Variants in GALNT17 observed in about 807,000 individuals in gnomAD.
GALNT17 encodes UDP-GalNAc:polypeptide N-acetylgalactosaminyltransferase-like 3.
A neutral mutation model predicts 63.7 loss-of-function variants in GALNT17; 29 were observed. The observed-to-expected ratio is 0.46, with a 90% CI of 0.34 to 0.62. GALNT17 has a LOEUF of 0.62. Among genes scored for constraint, GALNT17 ranks in the 20% least tolerant of loss-of-function variants. The pLI is 0.01. For missense variants in GALNT17, 603 were observed against 799.6 expected, an observed-to-expected ratio of 0.75 and a Z score of 2.97; for synonymous variants, 305 against 318.3, an observed-to-expected ratio of 0.96 and a Z score of 0.45.
chr7:71,354,154 C>T (rs1792239761), intron 2 of GALNT17, among the ~76,000 whole-genome samples: 1 of 152,210 alleles, frequency 6.6e-6, no homozygotes, highest in South Asian at 2.1e-4. Context: ...CTACCTCCAA[C>T]ATCAGGAATT....
intron 9 of GALNT17, chr7:71,685,354 A>C (rs1401952944): frequency 6.6e-6 from 1 of 152,192 alleles, no homozygotes; most frequent in Non-Finnish European, 1.5e-5. Context: ...GGTGTGGTCC[A>C]CTGACCCAGT....
chr7:71,342,677 A>G (rs1792026325), intron 2 of GALNT17, among the ~76,000 whole-genome samples: 1 of 152,198 alleles, frequency 6.6e-6, no homozygotes, highest in Non-Finnish European at 1.5e-5. Flanking sequence ...TTATTGGAAG[A>G]AGGAGGAGGC....
rs184961554 is a variant in GALNT17, at chr7:71,476,156, G to A, written c.962+55051G>A. ...GAAGAGAATAACGGGATTATGAGTG[G>A]GAACTCCTTGGGAACACCCAGGAGT... On this transcript the variant is annotated intron_variant, in intron 5 of 10. Coordinates refer to ENST00000333538, the MANE Select transcript of GALNT17 (RefSeq NM_022479.3). 4.1e-3 allele frequency among the ~76,000 whole-genome samples: 630 copies of A among 152,272 alleles called. 7 individuals carry two copies. Among genetic ancestry groups the A allele is most frequent in the African/African-American group, 0.013 (552 of 41,562 alleles).
intron 5 of GALNT17, among the ~76,000 whole-genome samples, chr7:71,462,693 C>G (rs186051562): frequency 5.3e-4 from 81 of 152,242 alleles, no homozygotes; most frequent in Admixed American, 1.6e-3. Context: ...GAGGGAGTGT[C>G]CAGGTCCCAG....
At chr7:71,496,231 G>A (rs533599986) in intron 5 of GALNT17, among the ~76,000 whole-genome samples, 1 of 152,274 alleles carries the variant, frequency 6.6e-6, no homozygotes, top group African/African-American at 2.4e-5. Flanking sequence ...GCAGTGGGGA[G>A]GCCGGGGGAT....
intron 1 of GALNT17, among the ~76,000 whole-genome samples, chr7:71,221,908 A>ATTTTTTTT (rs370780821): frequency 8.7e-6 from 1 of 114,684 alleles, no homozygotes; most frequent in East Asian, 2.8e-4. Context: ...CCTTATTTAG[A>ATTTTTTTT]TTTTTTTTTT....
At chr7:71,537,736 C>T (rs1337806183) in intron 5 of GALNT17, among the ~76,000 whole-genome samples, 4 of 151,992 alleles carry the variant, frequency 2.6e-5, no homozygotes, top group Admixed American at 2.6e-4. Context: ...TCACTTGAAC[C>T]CAGGAGGCAG....
intron 5 of GALNT17, among the ~76,000 whole-genome samples, chr7:71,452,155 A>C (rs1402283258): frequency 6.6e-6 from 1 of 152,116 alleles, no homozygotes; most frequent in Non-Finnish European, 1.5e-5. Context: ...AGATGGGAGG[A>C]TCACTTGAGC....
chr7:71,650,462 T>C (rs181719491), intron 6 of GALNT17, among the ~76,000 whole-genome samples: 13 of 152,298 alleles, frequency 8.5e-5, no homozygotes, highest in African/African-American at 2.9e-4. Flanking sequence ...TTGCTTAGGC[T>C]GGTCTCAAAC....
chr7:71,273,796 A>T (rs752594439), intron 1 of GALNT17, among the ~76,000 whole-genome samples: 4 of 152,170 alleles, frequency 2.6e-5, no homozygotes, highest in Non-Finnish European at 5.9e-5. Flanking sequence ...CTGTTGGTCA[A>T]ATACAATCAT....
chr7:71,711,682 CCTCT>C lies in GALNT17; in HGVS notation c.1669-333_1669-330del, dbSNP rs200307672. Among the ~76,000 whole-genome samples, 683 of 144,876 alleles carry C rather than the reference CCTCT, an allele frequency of 4.7e-3. 2 individuals are homozygous for C. The highest frequency in any genetic ancestry group is 9.9e-3 in the African/African-American group (374 of 37,872). On this transcript the variant is annotated intron_variant, in intron 10 of 10. Transcript: ENST00000333538. Reference sequence around the variant, plus strand: ...TTTATCTTTCTCTTTTTCTCTCTCTCCTCTCTATCTTCTCTCTTCTCTCTTCTCT... The same window carrying C: ...TTTATCTTTCTCTTTTTCTCTCTCTCCTATCTTCTCTCTTCTCTCTTCTCT...
chr7:71,441,556 T>C (rs969732339), intron 5 of GALNT17, among the ~76,000 whole-genome samples: 4 of 152,146 alleles, frequency 2.6e-5, no homozygotes, highest in African/African-American at 9.7e-5. Context: ...GCCATGGTGG[T>C]TTGCTGCACC....
intron 6 of GALNT17, among the ~76,000 whole-genome samples, chr7:71,635,426 G>T (rs1032180500): frequency 2.0e-5 from 3 of 152,102 alleles, no homozygotes; most frequent in Admixed American, 2.0e-4. Context: ...ACAGTCTCTC[G>T]GGTTAAATTT....
At chr7:71,335,082 A>AC (rs1279764657) in intron 1 of GALNT17, among the ~76,000 whole-genome samples, 3 of 151,854 alleles carry the variant, frequency 2.0e-5, no homozygotes, top group Admixed American at 1.3e-4. Context: ...CCTTTTACAG[A>AC]CCCCCATCTC....
At chr7:71,184,333 A>AC (rs1269516672) in intron 1 of GALNT17, among the ~76,000 whole-genome samples, 2 of 152,172 alleles carry the variant, frequency 1.3e-5, no homozygotes, top group East Asian at 3.8e-4. Context: ...TGATGGAGTA[A>AC]CCTAAATACT....
intron 2 of GALNT17, among the ~76,000 whole-genome samples, chr7:71,350,295 A>G (rs986746114): frequency 4.6e-5 from 7 of 152,326 alleles, no homozygotes; most frequent in African/African-American, 1.7e-4. Context: ...ATACTCGTCA[A>G]TCAGCTCCCA....
chr7:71,173,861 T>C lies in GALNT17; in HGVS notation c.238+40821T>C, dbSNP rs192864256. On this transcript the variant is annotated intron_variant, in intron 1 of 10. Transcript: ENST00000333538. ...TCCCTATTTTGTTCACATTATGTCCTTAATATCAGAGCAGTACTTGGCACA... is the reference window on the plus strand; with the variant it reads ...TCCCTATTTTGTTCACATTATGTCCCTAATATCAGAGCAGTACTTGGCACA... 1.1e-3 allele frequency among the ~76,000 whole-genome samples: 174 copies of C among 152,306 alleles called. 1 individual carries two copies. The Middle Eastern group carries it at 0.014, about 12-fold the overall frequency.
At chr7:71,390,268 A>T (rs1793026543) in intron 3 of GALNT17, among the ~76,000 whole-genome samples, 1 of 151,916 alleles carries the variant, frequency 6.6e-6, no homozygotes, top group Non-Finnish European at 1.5e-5. Flanking sequence ...TTAAAACCGG[A>T]TTATCTTGAG....
chr7:71,681,923 G>A (rs588543), intron 9 of GALNT17, among the ~76,000 whole-genome samples: 56,594 of 151,702 alleles, frequency 0.37, 11,298 homozygotes, highest in African/African-American at 0.51. Context: ...TTTTGTTTTT[G>A]TTTGTTTGTT....
Sources: allele counts gnomAD v4.1 joint callset (sites outside exome capture counted in the v4.1 genomes callset), GRCh38; gene constraint gnomAD v4.1.1; transcripts MANE v1.5; gene names NCBI Gene and HGNC (gene_info 2026-07-23, HGNC 2026-07-21).